Variants in GALNTL5 observed in about 807,000 individuals in gnomAD.
The protein encoded by GALNTL5 is inactive polypeptide N-acetylgalactosaminyltransferase-like protein 5.
GALNTL5 carries 44 observed loss-of-function variants against 51.0 expected under a neutral mutation model. The observed-to-expected ratio is 0.86, with a 90% CI of 0.68 to 1.11. The LOEUF is 1.11. Ranked by LOEUF, GALNTL5 falls within the 50% of genes least tolerant of loss-of-function variation. GALNTL5 has a pLI of 0.00. For synonymous variants in GALNTL5, 192 were observed against 182.8 expected (o/e 1.05, Z -0.41); for missense variants, 528 against 531.8 (o/e 0.99, Z 0.07).
At chr7:151,994,708 A>G (rs1586836804) in intron 5 of GALNTL5, among the ~76,000 whole-genome samples, 2 of 149,724 alleles carry the variant, frequency 1.3e-5, no homozygotes, top group African/African-American at 4.9e-5. Context: ...CTTTCAAACC[A>G]CCCCATATTA....
chr7:152,013,713 T>C (rs931231669), intron 7 of GALNTL5, among the ~76,000 whole-genome samples: 3 of 152,136 alleles, frequency 2.0e-5, no homozygotes, highest in African/African-American at 7.2e-5. Context: ...AACATAAGAC[T>C]TCAAAAATAA....
At chr7:151,998,709 T>G (rs994866232) in intron 5 of GALNTL5, among the ~76,000 whole-genome samples, 2 of 151,388 alleles carry the variant, frequency 1.3e-5, no homozygotes, top group Non-Finnish European at 2.9e-5. Context: ...GAGGTGAATG[T>G]TGCAGTGAGC....
chr7:151,970,941 G>A lies in GALNTL5; in HGVS notation c.248-4G>A. 6.3e-7 allele frequency: 1 copy of A among 1,590,958 alleles called. No individual in the cohort carries two copies. The highest frequency in any genetic ancestry group is 1.1e-5 in the South Asian group (1 of 89,068). ...TATATGATTCTAATTACATTTTCTT[G>A]CAGGTACAGATTTTAACCATACAAA... On this transcript the variant is annotated splice_region_variant and splice_polypyrimidine_tract_variant and intron_variant, in intron 2 of 8. Coordinates refer to ENST00000392800, the MANE Select transcript of GALNTL5 (RefSeq NM_145292.4).
At chr7:151,978,931 G>A (rs2081240495) in intron 3 of GALNTL5, among the ~76,000 whole-genome samples, 1 of 151,970 alleles carries the variant, frequency 6.6e-6, no homozygotes, top group East Asian at 1.9e-4. Flanking sequence ...CACATTCTGA[G>A]GTCCTGGGGA....
rs575658831 is a variant in GALNTL5 at position 151,990,580 on chromosome 7, C to CAAA, written c.658+3309_658+3311dup. Reference sequence around the variant, plus strand: ...TGGGCGACAGAGCGAGACTCCATCTCAAAAAAAAAAAAGCCCACTTTCTCT... The same window carrying CAAA: ...TGGGCGACAGAGCGAGACTCCATCTCAAAAAAAAAAAAAAAGCCCACTTTCTCT... On this transcript the variant is annotated intron_variant, in intron 5 of 8. Transcript: ENST00000392800. 6.5e-4 allele frequency among the ~76,000 whole-genome samples: 14 copies of CAAA among 21,668 alleles called. 2 individuals carry two copies. The highest frequency in any genetic ancestry group is 7.8e-4 in the Non-Finnish European group (10 of 12,824). The allele number at this position is 21,668 out of a possible 152,430, so 14.2% of individuals were successfully genotyped here.
At chr7:152,018,070 T>G (rs968236380) in intron 8 of GALNTL5, among the ~76,000 whole-genome samples, 1 of 152,208 alleles carries the variant, frequency 6.6e-6, no homozygotes, top group Admixed American at 6.5e-5. Context: ...GGTCTTGAAC[T>G]CCTGACCTCA....
At chr7:151,969,365 T>TA (rs1297603651) in intron 2 of GALNTL5, among the ~76,000 whole-genome samples, 3 of 152,356 alleles carry the variant, frequency 2.0e-5, no homozygotes, top group African/African-American at 7.2e-5. Flanking sequence ...GAGGTAAGAA[T>TA]AAATGCTCAT....
At chr7:152,001,049 G>A (rs1202592040) in intron 5 of GALNTL5, among the ~76,000 whole-genome samples, 1 of 149,578 alleles carries the variant, frequency 6.7e-6, no homozygotes, top group South Asian at 2.1e-4. Context: ...GGGATTACAG[G>A]CACCCACCAC....
At chr7:151,989,043 G>A (rs2036586990) in intron 5 of GALNTL5, among the ~76,000 whole-genome samples, 1 of 152,116 alleles carries the variant, frequency 6.6e-6, no homozygotes, top group Admixed American at 6.5e-5. Context: ...GTACTGTCCT[G>A]AGACTTACTC....
Position 152,016,660 on chromosome 7 carries a change from AACTT to A in GALNTL5, c.1176+1869_1176+1872del, listed in dbSNP as rs562571575. Among the ~76,000 whole-genome samples, 9 of 152,340 alleles carry A rather than the reference AACTT, an allele frequency of 5.9e-5. No individual in the cohort carries two copies. In the East Asian group the frequency reaches 1.7e-3, roughly 29 times the overall value. On this transcript the variant is annotated intron_variant, in intron 8 of 8. Coordinates refer to ENST00000392800, the MANE Select transcript of GALNTL5 (RefSeq NM_145292.4). ...AAACAGCATTATTTGTTTTAGCTAA[AACTT>A]AATACAATACAAATACTCATCAACA...
chr7:152,014,513 C>G, intron 7 of GALNTL5, 131 bp from the exon 8 acceptor site: 1 of 773,426 alleles, frequency 1.3e-6, no homozygotes. Flanking sequence ...GGTGATCTGA[C>G]TGCCTTGGCC....
chr7:151,991,686 G>C (rs1314645826), intron 5 of GALNTL5, among the ~76,000 whole-genome samples: 1 of 152,230 alleles, frequency 6.6e-6, no homozygotes, highest in Middle Eastern at 3.4e-3. Context: ...TAATCACGCT[G>C]TCTCTTGATT....
chr7:151,956,837 T>A (rs373527485), intron 1 of GALNTL5, among the ~76,000 whole-genome samples: 3 of 152,166 alleles, frequency 2.0e-5, no homozygotes, highest in African/African-American at 7.2e-5. Context: ...CTTTAGTTCA[T>A]GAAAAATAGG....
Position 151,983,097 on chromosome 7 carries a change from C to T in GALNTL5, c.480C>T (p.Leu160=), listed in dbSNP as rs1649105777. ...AGACCATGTCCAGTGTCACGAACCT[C>T]ACGCCACACTATTTTCTTGAAGAAA... The part of the protein sequence containing the change: ...LFQTMSSVTN[L]TPHYFLEEII... Residue 160 remains leucine, a synonymous_variant, in exon 4 of 9, where the codon CTC becomes CTT. Transcript: ENST00000392800. The T allele has an allele frequency of 6.2e-7, 1 of 1,614,176 alleles. No individual in the cohort carries two copies. The highest frequency in any genetic ancestry group is 1.7e-5 in the Admixed American group (1 of 60,026).
At chr7:151,967,186 C>T in intron 1 of GALNTL5, 22 bp from the exon 2 acceptor site, 1 of 1,464,704 alleles carries the variant, frequency 6.8e-7, no homozygotes, top group Non-Finnish European at 9.4e-7. Flanking sequence ...AATGCTGCTC[C>T]TCTTAAATCA....
At chr7:152,006,983 G>A (rs1260096946) in intron 6 of GALNTL5, among the ~76,000 whole-genome samples, 1 of 152,104 alleles carries the variant, frequency 6.6e-6, no homozygotes, top group African/African-American at 2.4e-5. Context: ...GGCCAGGCTG[G>A]TCTTGAACTC....
intron 3 of GALNTL5, among the ~76,000 whole-genome samples, chr7:151,973,622 A>G (rs1157504537): frequency 6.6e-6 from 1 of 152,152 alleles, no homozygotes; most frequent in Non-Finnish European, 1.5e-5. Context: ...GAAAATAACT[A>G]ACTTGTTTTT....
rs1341131733 is a variant in GALNTL5 at position 152,014,741 on chromosome 7, CTA to C, written c.1126_1127del (p.Met376AspfsTer3). Reference sequence around the variant, plus strand: ...GGAAAACCTTCTACAATCATCAGTGCTATGACACATAACTACCTAAGACTGGT... The same window carrying C: ...GGAAAACCTTCTACAATCATCAGTGCTGACACATAACTACCTAAGACTGGT... On this transcript the variant is annotated frameshift_variant, in exon 8 of 9. Transcript: ENST00000392800. LOFTEE classifies it high-confidence loss of function. 1 of 1,613,890 alleles carries C rather than the reference CTA, an allele frequency of 6.2e-7. No individual in the cohort carries two copies. Among genetic ancestry groups the C allele is most frequent in the South Asian group, 1.1e-5 (1 of 91,038 alleles).
chr7:151,991,153 C>A (rs1043018213), intron 5 of GALNTL5, among the ~76,000 whole-genome samples: 3 of 152,034 alleles, frequency 2.0e-5, no homozygotes, highest in African/African-American at 7.3e-5. Flanking sequence ...AGTGCAATGG[C>A]GTCATCTCGG....
Sources: gnomAD v4.1 joint callset for allele counts (sites outside exome capture counted in the v4.1 genomes callset) on GRCh38, gnomAD v4.1.1 for gene constraint, MANE v1.5 for transcripts, NCBI Gene and HGNC (gene_info 2026-07-23, HGNC 2026-07-21) for gene names.